The following N4BP2 variants were observed in gnomAD, a reference collection of about 807,000 sequenced individuals.
N4BP2 encodes NEDD4-binding protein 2.
A neutral mutation model predicts 152.8 loss-of-function variants in N4BP2; 91 were observed. The observed-to-expected ratio is 0.60, with a 90% CI of 0.50 to 0.71. The LOEUF (loss-of-function observed/expected upper bound fraction) is 0.71. Ranked by LOEUF, N4BP2 falls within the 30% of genes least tolerant of loss-of-function variation. N4BP2 has a pLI of 0.00. For missense variants in N4BP2, 1,923 were observed against 2,059.1 expected, an observed-to-expected ratio of 0.93 and a Z score of 1.28; for synonymous variants, 646 against 705.3, an observed-to-expected ratio of 0.92 and a Z score of 1.33.
rs529226066 is a variant in N4BP2, at chr4:40,086,586, C to T, written c.-114-10641C>T. On this transcript the variant is annotated intron_variant, in intron 2 of 17. Transcript: ENST00000261435. Reference sequence around the variant, plus strand: ...TGCCTGACCTCAAGTAATCCACCCGCCTTGGCCTCCCAAAGTGCAATTGCA... The same window carrying T: ...TGCCTGACCTCAAGTAATCCACCCGTCTTGGCCTCCCAAAGTGCAATTGCA... Among the ~76,000 whole-genome samples, 7 of 152,006 alleles carry T rather than the reference C, an allele frequency of 4.6e-5. No homozygotes were observed. In the South Asian group the frequency reaches 1.5e-3, roughly 32 times the overall value.
intron 9 of N4BP2, 74 bp downstream of exon 9, chr4:40,122,383 T>C: frequency 9.1e-7 from 1 of 1,098,194 alleles, no homozygotes; most frequent in Non-Finnish European, 1.3e-6. Flanking sequence ...TTGTATTTTT[T>C]TTTTTTCTGA....
Position 40,121,845 on chromosome 4 carries a change from G to T in N4BP2, c.3734G>T (p.Ser1245Ile). The T allele has an allele frequency of 2.5e-6, 4 of 1,613,866 alleles. No individual in the cohort carries two copies. The highest frequency in any genetic ancestry group is 3.4e-6 in the Non-Finnish European group (4 of 1,179,908). Residue 1245 changes from serine (S) to isoleucine (I), a missense_variant, in exon 9 of 18, where the codon AGC becomes ATC. By Grantham distance (142) the Ser-to-Ile change is moderately radical. Coordinates refer to ENST00000261435, the MANE Select transcript of N4BP2 (RefSeq NM_018177.6). ...AACAGCCAGGAAGAACTTTTATATA[G>T]CAGTAAGCAGTCCTTTCCAGGTATT... ...LPNSQEELLY[S>I]SKQSFPGILK...
chr4:40,099,336 G>A (rs974563967), intron 3 of N4BP2, among the ~76,000 whole-genome samples: 1 of 152,098 alleles, frequency 6.6e-6, no homozygotes, highest in African/African-American at 2.4e-5. Flanking sequence ...TCAGCCTCCC[G>A]AGTTAAAGTG....
At chr4:40,168,565 ACAT>A in the N4BP2 span, among the ~76,000 whole-genome samples, 1 of 132,768 alleles carries the variant, frequency 7.5e-6, no homozygotes, top group East Asian at 2.4e-4. Context: ...TATAAGGATA[ACAT>A]CATAAAAATG....
intron 12 of N4BP2, among the ~76,000 whole-genome samples, chr4:40,131,019 A>C (rs1718856875): frequency 6.6e-6 from 1 of 151,870 alleles, no homozygotes; most frequent in Non-Finnish European, 1.5e-5. Context: ...TTTTGGAGTA[A>C]ATATATTTGT....
Position 40,124,820 on chromosome 4 carries a change from T to C in N4BP2, c.4330+615T>C, listed in dbSNP as rs141421931. ...TCTGCATGAAAGAAAACTTTTGGTTTGAGAGCAACAGAGTGTTCATGTGTT... is the reference window on the plus strand; with the variant it reads ...TCTGCATGAAAGAAAACTTTTGGTTCGAGAGCAACAGAGTGTTCATGTGTT... On this transcript the variant is annotated intron_variant, in intron 11 of 17. Coordinates refer to ENST00000261435, the MANE Select transcript of N4BP2 (RefSeq NM_018177.6). Among the ~76,000 whole-genome samples, 662 of 152,306 alleles carry C rather than the reference T, an allele frequency of 4.3e-3. 4 individuals are homozygous for C. Among genetic ancestry groups the C allele is most frequent in the Admixed American group, 0.03 (461 of 15,300 alleles).
chr4:40,136,379 T>TATC (rs1171109381), intron 13 of N4BP2, among the ~76,000 whole-genome samples: 1,925 of 150,352 alleles, frequency 0.013, 31 homozygotes, highest in East Asian at 0.059. Context: ...TCTATCTATC[T>TATC]ATCTATCTAT....
chr4:40,063,377 T>C (rs1733806195), intron 1 of N4BP2, among the ~76,000 whole-genome samples: 1 of 152,164 alleles, frequency 6.6e-6, no homozygotes, highest in South Asian at 2.1e-4. Context: ...TTACTGAAAA[T>C]ATGTTTCTTC....
intron 7 of N4BP2, among the ~76,000 whole-genome samples, chr4:40,116,897 T>C (rs1717391991): frequency 6.6e-6 from 1 of 152,110 alleles, no homozygotes; most frequent in African/African-American, 2.4e-5. Flanking sequence ...CTTCACTCCC[T>C]TCTGACTTAC....
At chr4:40,158,640 A>T (rs1721772297), downstream of N4BP2, among the ~76,000 whole-genome samples, 1 of 152,090 alleles carries the variant, frequency 6.6e-6, no homozygotes, top group Admixed American at 6.6e-5. Flanking sequence ...TCTACAAAAA[A>T]TTAGCCAGGC....
chr4:40,182,774 T>C, the N4BP2 span, among the ~76,000 whole-genome samples: 6 of 152,038 alleles, frequency 3.9e-5, no homozygotes, highest in African/African-American at 7.2e-5. Context: ...CCTCCCAGGT[T>C]CAAGCGATTC....
downstream of N4BP2, among the ~76,000 whole-genome samples, chr4:40,160,960 G>T (rs1203968014): frequency 8.5e-5 from 13 of 152,162 alleles, no homozygotes; most frequent in Admixed American, 8.5e-4. Context: ...CCTCAGTGGG[G>T]ATGGGGATGA....
rs1721284182 is a variant in N4BP2, at chr4:40,153,023, A to G, written c.5267+120A>G. ...CAATAGCCCTAATATAGCTAGGTAA[A>G]TAAACACTAATAGCGTACTCAGAAC... On this transcript the variant is annotated intron_variant, in intron 17 of 17. Coordinates refer to ENST00000261435, the MANE Select transcript of N4BP2 (RefSeq NM_018177.6). 3 of 857,742 alleles carry G rather than the reference A, an allele frequency of 3.5e-6. No individual in the cohort carries two copies. In the Admixed American group the frequency reaches 7.9e-5, roughly 23 times the overall value. The allele number at this position is 857,742 out of a possible 1,614,324, so 53.1% of individuals were successfully genotyped here.
chr4:40,159,365 A>C (rs931285376), downstream of N4BP2, among the ~76,000 whole-genome samples: 1 of 152,186 alleles, frequency 6.6e-6, no homozygotes, highest in Non-Finnish European at 1.5e-5. Context: ...GTAAAAGTTT[A>C]TTTCTTTCTT....
Position 40,154,387 on chromosome 4 carries a change from CAAGT to C in N4BP2, c.*151_*154del, listed in dbSNP as rs2109293978. On this transcript the variant is annotated 3_prime_UTR_variant, in exon 18 of 18. Coordinates refer to ENST00000261435, the MANE Select transcript of N4BP2 (RefSeq NM_018177.6). ...AAAAATTATGATGTTTTTCAAAATGCAAGTGAGGTTTGATTTTTTACTGAATCAA... is the reference window on the plus strand; with the variant it reads ...AAAAATTATGATGTTTTTCAAAATGCGAGGTTTGATTTTTTACTGAATCAA... 2 of 508,876 alleles carry C rather than the reference CAAGT, an allele frequency of 3.9e-6. No homozygotes were observed. The highest frequency in any genetic ancestry group is 7.0e-5 in the East Asian group (2 of 28,722). The allele number at this position is 508,876 out of a possible 1,614,324, so 31.5% of individuals were successfully genotyped here. A position where few individuals can be genotyped will look rare whatever the true frequency, so the allele number is the denominator to read the frequency against.
intron 13 of N4BP2, among the ~76,000 whole-genome samples, chr4:40,136,511 CG>C (rs1719415653): frequency 1.3e-5 from 2 of 152,228 alleles, no homozygotes; most frequent in South Asian, 4.1e-4. Context: ...CTCAGCCTCC[CG>C]AGTAGCTGGG....
intron 14 of N4BP2, among the ~76,000 whole-genome samples, chr4:40,139,807 TTTTTTTTTACA>T (rs1487260748): frequency 6.6e-6 from 1 of 150,522 alleles, no homozygotes; most frequent in Non-Finnish European, 1.5e-5. Context: ...TAGGCTTTTT[TTTTTTTTTACA>T]TTTTTTTTTC....
chr4:40,070,506 C>T (rs1279543238), intron 1 of N4BP2, among the ~76,000 whole-genome samples: 1 of 151,958 alleles, frequency 6.6e-6, no homozygotes, highest in African/African-American at 2.4e-5. Flanking sequence ...TAGAGTACAG[C>T]AGCACATTCA....
intron 3 of N4BP2, among the ~76,000 whole-genome samples, chr4:40,098,689 T>A (rs1715326827): frequency 6.6e-6 from 1 of 152,212 alleles, no homozygotes; most frequent in Non-Finnish European, 1.5e-5. Flanking sequence ...GACAGTATAT[T>A]GAGTTTTGTA....
Sources: gnomAD v4.1 joint callset for allele counts (sites outside exome capture counted in the v4.1 genomes callset) on GRCh38, gnomAD v4.1.1 for gene constraint, MANE v1.5 for transcripts, NCBI Gene and HGNC (gene_info 2026-07-23, HGNC 2026-07-21) for gene names.